Variants in CDYL2 observed in about 807,000 individuals in gnomAD.
The protein encoded by CDYL2 is chromodomain Y like 2, also known as chromodomain Y-like protein 2.
CDYL2 carries 23 observed loss-of-function variants against 49.4 expected under a neutral mutation model. The ratio of observed to expected loss-of-function variants is 0.47; its 90% CI spans 0.34 to 0.66. The LOEUF is 0.66. Ranked by LOEUF, CDYL2 falls within the 30% of genes least tolerant of loss-of-function variation. The probability of loss-of-function intolerance (pLI) is 0.01; values close to 1 mark genes in which losing one functional copy is unlikely to be tolerated. For synonymous variants in CDYL2, 360 were observed against 268.8 expected (o/e 1.34, Z -3.32); for missense variants, 678 against 656.4 (o/e 1.03, Z -0.36).
chr16:80,780,118 A>T (rs756568407), intron 1 of CDYL2, among the ~76,000 whole-genome samples: 26 of 152,210 alleles, frequency 1.7e-4, no homozygotes, highest in Non-Finnish European at 3.4e-4. Context: ...AACTGTGACC[A>T]GAATTTTTTT....
chr16:80,670,440 T>C (rs530108790), intron 2 of CDYL2, among the ~76,000 whole-genome samples: 74 of 152,288 alleles, frequency 4.9e-4, no homozygotes, highest in African/African-American at 1.7e-3. Context: ...TCCGCCATGA[T>C]TGTAAGTTTC....
intron 1 of CDYL2, among the ~76,000 whole-genome samples, chr16:80,774,217 T>C (rs1349366760): frequency 2.0e-5 from 3 of 152,114 alleles, no homozygotes; most frequent in Non-Finnish European, 2.9e-5. Flanking sequence ...GAATACTATA[T>C]AGACTTTAAA....
intron 1 of CDYL2, among the ~76,000 whole-genome samples, chr16:80,701,697 CA>C (rs1408985209): frequency 6.6e-6 from 1 of 152,202 alleles, no homozygotes; most frequent in Admixed American, 6.5e-5. Flanking sequence ...GGGAAGTCTT[CA>C]CATATTAAAA....
intron 1 of CDYL2, among the ~76,000 whole-genome samples, chr16:80,734,248 G>C (rs1905433529): frequency 6.6e-6 from 1 of 152,128 alleles, no homozygotes; most frequent in Admixed American, 6.5e-5. Context: ...TTCCTGGTTG[G>C]GGGCCGGGGA....
intron 1 of CDYL2, among the ~76,000 whole-genome samples, chr16:80,774,002 C>T (rs1390572655): frequency 2.0e-5 from 3 of 152,018 alleles, no homozygotes; most frequent in Non-Finnish European, 2.9e-5. Flanking sequence ...TATATGGGAG[C>T]TCTGGGGTGC....
chr16:80,612,669 C>G lies in CDYL2; in HGVS notation c.1175G>C (p.Gly392Ala). 6.2e-7 allele frequency: 1 copy of G among 1,612,782 alleles called. No individual in the cohort carries two copies. The highest frequency in any genetic ancestry group is 8.5e-7 in the Non-Finnish European group (1 of 1,179,746). The change falls in exon 5 of 7, where the codon GGC becomes GCC. Residue 392 changes from glycine (G) to alanine (A), a missense_variant. Transcript: ENST00000570137. The surrounding 1 kb of genome is among the most constrained non-coding windows in gnomAD (Gnocchi z 5.0). ...PYATIRLTPA[G>A]CSSYTFPQIL... is the part of the protein sequence containing the mutation. ...CTGGGGGAAGGTGTAGGAGGAGCAG[C>G]CAGCAGGCGTGAGGCGGATGGTGGC...
At position 80,684,707 on chromosome 16, in the gene CDYL2, C is replaced by T; in HGVS notation, c.447G>A (p.Leu149=). Residue 149 remains leucine (L), a synonymous_variant, in exon 2 of 7, where the codon CTG becomes CTA. Coordinates refer to ENST00000570137, the MANE Select transcript of CDYL2 (RefSeq NM_152342.4). ...TTPSGLQIMP[L]KKSQNGMENG... ...TTTCCATCCCGTTCTGAGACTTTTTCAGGGGCATTATTTGCAAACCACTGG... is the reference window on the plus strand; with the variant it reads ...TTTCCATCCCGTTCTGAGACTTTTTTAGGGGCATTATTTGCAAACCACTGG... 1.9e-6 allele frequency: 3 copies of T among 1,614,174 alleles called. No homozygotes were observed. Among genetic ancestry groups the T allele is most frequent in the South Asian group, 2.2e-5 (2 of 91,072 alleles).
intron 1 of CDYL2, among the ~76,000 whole-genome samples, chr16:80,733,043 T>C (rs1056625644): frequency 1.3e-5 from 2 of 152,082 alleles, no homozygotes; most frequent in Admixed American, 6.6e-5. Context: ...AGAGTGACTG[T>C]TATAGCAACA....
At chr16:80,706,941 C>T (rs1001448451) in intron 1 of CDYL2, among the ~76,000 whole-genome samples, 1 of 152,124 alleles carries the variant, frequency 6.6e-6, no homozygotes, top group African/African-American at 2.4e-5. Context: ...TCTGCCTGCC[C>T]ATAAAATAAA....
chr16:80,743,366 A>G (rs1340773489), intron 1 of CDYL2, among the ~76,000 whole-genome samples: 2 of 152,242 alleles, frequency 1.3e-5, no homozygotes, highest in Admixed American at 6.5e-5. Context: ...AGAATTCAAA[A>G]GAAGTCACAA....
In CDYL2 at chr16:80,603,759, G is replaced by A. The variant is rs1906201257; in HGVS notation, c.*629C>T. On this transcript the variant is annotated 3_prime_UTR_variant, in exon 7 of 7. Transcript: ENST00000570137. The stretch of plus-strand genomic sequence containing the variant: ...TACATATAATACACATAAATTATCA[G>A]AATTTCCACTTACATTGTTTTAAAA... 1 of 152,608 alleles carries A rather than the reference G, an allele frequency of 6.6e-6. No individual in the cohort carries two copies. The highest frequency in any genetic ancestry group is 1.5e-5 in the Non-Finnish European group (1 of 68,034). 9.5% of individuals were successfully genotyped at this position (152,608 alleles called of 1,614,324 possible). A position where few individuals can be genotyped will look rare whatever the true frequency, so the allele number is the denominator to read the frequency against.
chr16:80,665,714 A>C (rs1231956864), intron 2 of CDYL2, among the ~76,000 whole-genome samples: 1 of 152,064 alleles, frequency 6.6e-6, no homozygotes, highest in East Asian at 1.9e-4. Flanking sequence ...CCAGAGGTCC[A>C]CAGTGGAACA....
At chr16:80,699,698 T>C (rs1904291043) in intron 1 of CDYL2, among the ~76,000 whole-genome samples, 3 of 152,178 alleles carry the variant, frequency 2.0e-5, no homozygotes, top group Admixed American at 2.0e-4. Context: ...AAATGACAAA[T>C]GTTTGAAGGG....
At chr16:80,662,949 C>G (rs1171304311) in intron 2 of CDYL2, among the ~76,000 whole-genome samples, 3 of 151,904 alleles carry the variant, frequency 2.0e-5, no homozygotes, top group Non-Finnish European at 4.4e-5. Context: ...AAGAACGACA[C>G]AAGTCATTCT....
At position 80,804,441 on chromosome 16, in the gene CDYL2, C is replaced by G. The variant is rs1010994804; in HGVS notation, c.-268G>C. ...CACGAGCGCGGGCAGCAGCGACGGCCGCGCAGCGCGCCCGGGAGGCACGGA... is the reference window on the plus strand; with the variant it reads ...CACGAGCGCGGGCAGCAGCGACGGCGGCGCAGCGCGCCCGGGAGGCACGGA... On this transcript the variant is annotated 5_prime_UTR_variant, in exon 1 of 7. Transcript: ENST00000570137. The G allele has an allele frequency of 6.8e-6, 1 of 147,084 alleles. No homozygotes were observed. Among genetic ancestry groups the G allele is most frequent in the South Asian group, 1.8e-4 (1 of 5,610 alleles). The allele number at this position is 147,084 out of a possible 1,614,324, so 9.1% of individuals were successfully genotyped here.
At chr16:80,642,313 T>C (rs1908132524) in intron 2 of CDYL2, among the ~76,000 whole-genome samples, 3 of 152,014 alleles carry the variant, frequency 2.0e-5, no homozygotes, top group African/African-American at 7.2e-5. Flanking sequence ...CATGGTGGCA[T>C]GCCCCTGTAA....
chr16:80,636,650 T>G (rs1469687926), intron 2 of CDYL2, among the ~76,000 whole-genome samples: 1 of 152,166 alleles, frequency 6.6e-6, no homozygotes, highest in Non-Finnish European at 1.5e-5. Flanking sequence ...GTGTGGCGAT[T>G]CCTCAAGGAT....
intron 3 of CDYL2, among the ~76,000 whole-genome samples, chr16:80,631,767 G>A (rs914120953): frequency 6.6e-6 from 1 of 152,086 alleles, no homozygotes; most frequent in African/African-American, 2.4e-5. Flanking sequence ...AGAGATAAAT[G>A]ACCAATGCAC....
intron 1 of CDYL2, among the ~76,000 whole-genome samples, chr16:80,798,452 C>T (rs777612744): frequency 5.3e-5 from 8 of 152,144 alleles, no homozygotes; most frequent in Non-Finnish European, 1.2e-4. Flanking sequence ...AATGGGAATG[C>T]CATGAAGATG....
Sources: gnomAD v4.1 joint callset for allele counts (sites outside exome capture counted in the v4.1 genomes callset) on GRCh38, gnomAD v4.1.1 for gene constraint, Gnocchi (gnomAD v3.1) non-coding constraint, MANE v1.5 for transcripts, NCBI Gene and HGNC (gene_info 2026-07-23, HGNC 2026-07-21) for gene names.